Variants in CSGALNACT2 observed in about 807,000 individuals in gnomAD.
CSGALNACT2 encodes the protein chondroitin sulfate N-acetylgalactosaminyltransferase 2, also known as beta 4 GalNAcT-2.
In CSGALNACT2, 35 loss-of-function variants were observed where a neutral mutation model predicts 55.3. That is an observed-to-expected ratio of 0.63 (90% CI 0.48 to 0.84). The LOEUF (loss-of-function observed/expected upper bound fraction) is 0.84, where lower values mean the gene tolerates loss of function less well. Among genes scored for constraint, CSGALNACT2 ranks in the 40% least tolerant of loss-of-function variants. CSGALNACT2 has a pLI of 0.00. For missense variants in CSGALNACT2, 544 were observed against 657.5 expected, an observed-to-expected ratio of 0.83 and a Z score of 1.89; for synonymous variants, 196 against 224.9, an observed-to-expected ratio of 0.87 and a Z score of 1.15.
chr10:43,172,507 C>T (rs545334722), intron 6 of CSGALNACT2, among the ~76,000 whole-genome samples: 1 of 152,200 alleles, frequency 6.6e-6, no homozygotes, highest in African/African-American at 2.4e-5. Context: ...AGCTGTGCTG[C>T]AGTCGAGTGC....
rs1475268219 is a variant in CSGALNACT2, at chr10:43,183,371, T to C, written c.1458T>C (p.His486=). 1.2e-6 allele frequency: 2 copies of C among 1,614,100 alleles called. No individual in the cohort carries two copies. Among genetic ancestry groups the C allele is most frequent in the Non-Finnish European group, 1.7e-6 (2 of 1,179,996 alleles). Residue 486 remains histidine, a synonymous_variant, in exon 8 of 8, where the codon CAT becomes CAC. Coordinates refer to ENST00000374466, the MANE Select transcript of CSGALNACT2 (RefSeq NM_018590.5). ...TTCCTGGTCTTTTCCACCTCTGGCA[T>C]GAAAAGCGCTGTGCTGATGAGCTGA... is the stretch of plus-strand genomic sequence containing the variant. The part of the protein sequence containing the change: ...TPVPGLFHLW[H]EKRCADELTP...
intron 4 of CSGALNACT2, chr10:43,162,114 A>G (rs774383045): frequency 7.4e-5 from 38 of 515,680 alleles, no homozygotes; most frequent in Non-Finnish European, 1.2e-4. Context: ...TTTCTCAGGG[A>G]TTGGAACCAG....
chr10:43,170,060 T>C (rs1839353168), intron 6 of CSGALNACT2, among the ~76,000 whole-genome samples: 1 of 152,072 alleles, frequency 6.6e-6, no homozygotes. Flanking sequence ...TGAGAGTAAA[T>C]AGTGGTGAAC....
intron 4 of CSGALNACT2, chr10:43,162,963 C>G: frequency 3.0e-6 from 3 of 985,352 alleles, no homozygotes; most frequent in Non-Finnish European, 3.6e-6. Context: ...GTACTCTTCA[C>G]TCTGACCCTT....
intron 2 of CSGALNACT2, among the ~76,000 whole-genome samples, chr10:43,157,558 C>G (rs1432049120): frequency 2.6e-5 from 4 of 152,304 alleles, no homozygotes; most frequent in Non-Finnish European, 5.9e-5. Context: ...TACATTCATA[C>G]TGCTTGTCAC....
intron 1 of CSGALNACT2, among the ~76,000 whole-genome samples, chr10:43,144,551 A>G (rs1268913332): frequency 2.4e-5 from 2 of 82,602 alleles, no homozygotes; most frequent in Non-Finnish European, 2.4e-5. Flanking sequence ...TACTTCAGTA[A>G]ACAAACTGGA....
Position 43,183,491 on chromosome 10 carries a change from G to A in CSGALNACT2, c.1578G>A (p.Glu526=). The change falls in exon 8 of 8, where the codon GAG becomes GAA. Residue 526 remains glutamate, a synonymous_variant. Coordinates refer to ENST00000374466, the MANE Select transcript of CSGALNACT2 (RefSeq NM_018590.5). ...LGMLVFREEI[E]THLHKQAYRT... ...TGCTGGTCTTCAGGGAGGAAATAGA[G>A]ACGCATCTTCATAAACAGGCATACA... The A allele has an allele frequency of 6.2e-7, 1 of 1,614,126 alleles. No homozygotes were observed.
intron 3 of CSGALNACT2, among the ~76,000 whole-genome samples, chr10:43,159,580 GA>G (rs1450068978): frequency 1.3e-5 from 2 of 152,106 alleles, no homozygotes; most frequent in African/African-American, 4.8e-5. Context: ...TGTCTCACAA[GA>G]AAATCCCCTT....
intron 1 of CSGALNACT2, among the ~76,000 whole-genome samples, chr10:43,153,344 A>AT (rs71016730): frequency 6.6e-5 from 10 of 151,230 alleles, no homozygotes; most frequent in Non-Finnish European, 1.5e-4. Context: ...CAAAAAAAAA[A>AT]GGACTCCCTT....
chr10:43,183,574 C>T lies in CSGALNACT2; in HGVS notation c.*32C>T, dbSNP rs1839635078. On this transcript the variant is annotated 3_prime_UTR_variant, in exon 8 of 8. Transcript: ENST00000374466. ...AATTAATGCGTTACTGTATGAACCA[C>T]AAAACAGCACTATTTATTTAGCCTT... is the stretch of plus-strand genomic sequence containing the variant. 1.3e-6 allele frequency: 2 copies of T among 1,564,054 alleles called. No individual in the cohort carries two copies. The highest frequency in any genetic ancestry group is 1.8e-6 in the Non-Finnish European group (2 of 1,136,822).
chr10:43,155,532 T>C lies in CSGALNACT2; in HGVS notation c.383T>C (p.Ile128Thr), dbSNP rs751355565. 1 of 1,614,184 alleles carries C rather than the reference T, an allele frequency of 6.2e-7. No homozygotes were observed. The highest frequency in any genetic ancestry group is 8.5e-7 in the Non-Finnish European group (1 of 1,180,034). ...CTTTTAGAGTTTCTTCATTCCCAAATTGACAAAGCTGAAGTTAGCATAGGG... is the reference window on the plus strand; with the variant it reads ...CTTTTAGAGTTTCTTCATTCCCAAACTGACAAAGCTGAAGTTAGCATAGGG... ...SDLLEFLHSQ[I>T]DKAEVSIGAK... Residue 128 changes from isoleucine (I) to threonine (T), a missense_variant, in exon 2 of 8, where the codon ATT (isoleucine) becomes ACT (threonine). Ile to Thr is a moderately conservative substitution (Grantham distance 89). This residue lies in a region of CSGALNACT2 where 374 missense variants were observed against 401.3 expected (regional missense o/e 0.93). Coordinates refer to ENST00000374466, the MANE Select transcript of CSGALNACT2 (RefSeq NM_018590.5).
rs144260871 is a variant in CSGALNACT2 at position 43,183,412 on chromosome 10, G to A, written c.1499G>A (p.Arg500His). Residue 500 changes from arginine (R) to histidine (H), a missense_variant, in exon 8 of 8, where the codon CGC becomes CAC. Physicochemically the swap from Arg to His is conservative, Grantham distance 29 (BLOSUM62 0). Around this residue, in one of 2 missense-constraint regions of CSGALNACT2, gnomAD observed 170 missense variants for 256.2 expected, o/e 0.66. Transcript: ENST00000374466. ...CADELTPEQYRMCIQSKAMNE... is the reference protein window; with the variant it reads ...CADELTPEQYHMCIQSKAMNE... ...GATGAGCTGACCCCCGAGCAGTACC[G>A]CATGTGCATCCAGTCTAAAGCCATG... 3.5e-5 allele frequency: 56 copies of A among 1,614,122 alleles called. No homozygotes were observed. Among genetic ancestry groups the A allele is most frequent in the Admixed American group, 1.3e-4 (8 of 60,014 alleles).
At chr10:43,173,404 T>A (rs1371331440) in intron 6 of CSGALNACT2, among the ~76,000 whole-genome samples, 1 of 152,184 alleles carries the variant, frequency 6.6e-6, no homozygotes, top group Non-Finnish European at 1.5e-5. Flanking sequence ...TATGTGTGGA[T>A]AACTGCATCT....
intron 3 of CSGALNACT2, among the ~76,000 whole-genome samples, chr10:43,159,983 T>TA (rs1839110039): frequency 6.6e-6 from 1 of 152,240 alleles, no homozygotes; most frequent in South Asian, 2.1e-4. Flanking sequence ...CTGTTCCAAA[T>TA]AGCTCACTTG....
At chr10:43,142,962 T>C (rs1838662068) in intron 1 of CSGALNACT2, among the ~76,000 whole-genome samples, 3 of 152,196 alleles carry the variant, frequency 2.0e-5, no homozygotes, top group South Asian at 4.1e-4. Context: ...GGAAATAATA[T>C]CTAACAGTTA....
At chr10:43,145,513 C>T (rs1345813874) in intron 1 of CSGALNACT2, among the ~76,000 whole-genome samples, 2 of 150,576 alleles carry the variant, frequency 1.3e-5, no homozygotes, top group African/African-American at 4.9e-5. Context: ...GATCCTCCCA[C>T]CTCAGCCTCT....
At position 43,184,432 on chromosome 10, in the gene CSGALNACT2, A is replaced by G. The variant is rs917147754; in HGVS notation, c.*890A>G. 3.9e-5 allele frequency: 6 copies of G among 152,044 alleles called. No homozygotes were observed. The highest frequency in any genetic ancestry group is 9.7e-5 in the African/African-American group (4 of 41,386). The allele number at this position is 152,044 out of a possible 1,614,324, so 9.4% of individuals were successfully genotyped here. A position where few individuals can be genotyped will look rare whatever the true frequency, so the allele number is the denominator to read the frequency against. ...ATGGTTTTGTTTGTTTTTGCTTTCA[A>G]TTTTCTAATTTGGCATGGATCCATA... On this transcript the variant is annotated 3_prime_UTR_variant, in exon 8 of 8. Coordinates refer to ENST00000374466, the MANE Select transcript of CSGALNACT2 (RefSeq NM_018590.5).
At chr10:43,162,369 G>T in intron 4 of CSGALNACT2, 1 of 1,219,812 alleles carries the variant, frequency 8.2e-7, no homozygotes, top group East Asian at 4.7e-5. Context: ...AGGTTGGGTG[G>T]GGGTATTGGG....
At chr10:43,174,454 A>G (rs1467858856) in intron 6 of CSGALNACT2, among the ~76,000 whole-genome samples, 1 of 151,866 alleles carries the variant, frequency 6.6e-6, no homozygotes, top group Non-Finnish European at 1.5e-5. Context: ...GCCAGAACCA[A>G]CTCCATGTTG....
Sources: gnomAD v4.1 joint callset for allele counts (sites outside exome capture counted in the v4.1 genomes callset) on GRCh38, gnomAD v4.1.1 for gene constraint, gnomAD v4.1.1 regional missense constraint, MANE v1.5 for transcripts, NCBI Gene and HGNC (gene_info 2026-07-23, HGNC 2026-07-21) for gene names.